The following ZNF727 variants were observed in gnomAD, a reference collection of about 807,000 sequenced individuals.
ZNF727 encodes the protein zinc finger protein 727, also known as putative zinc finger protein 727.
Under a neutral mutation model 11.5 loss-of-function variants are expected in ZNF727, and 11 were observed. The observed-to-expected ratio is 0.95, with a 90% CI of 0.60 to 1.58. The LOEUF (loss-of-function observed/expected upper bound fraction) is 1.58. ZNF727 is among the 40% of genes most tolerant of loss of function. The pLI is 0.00. For missense variants in ZNF727, 533 were observed against 581.7 expected (o/e 0.92, Z 0.86); for synonymous variants, 171 against 196.1 (o/e 0.87, Z 1.07).
At chr7:64,054,200 T>C (rs575986888) in intron 1 of ZNF727, among the ~76,000 whole-genome samples, 155 of 152,306 alleles carry the variant, frequency 1.0e-3, no homozygotes, top group African/African-American at 3.6e-3. Context: ...CACACATGTC[T>C]GAAAGCACAC....
chr7:64,070,401 T>TATAAAATTTATTTATAA, intron 3 of ZNF727, among the ~76,000 whole-genome samples: 1 of 151,904 alleles, frequency 6.6e-6, no homozygotes, highest in South Asian at 2.1e-4. Context: ...TGATTTTATT[T>TATAAAATTTATTTATAA]AGTATAAAGC....
At position 64,062,881 on chromosome 7, in the gene ZNF727, G is replaced by T. The variant is rs1816701; in HGVS notation, c.4-6010G>T. 3.2e-3 allele frequency among the ~76,000 whole-genome samples: 486 copies of T among 150,208 alleles called. 3 individuals are homozygous for T. The highest frequency in any genetic ancestry group is 0.011 in the African/African-American group (468 of 41,046). ...ACTAATTCTTTCTTCTGCTTGATCA[G>T]TTCTGCTGTTGAGAGACTCTGATGC... is the stretch of plus-strand genomic sequence containing the variant. On this transcript the variant is annotated intron_variant, in intron 1 of 3. Coordinates refer to ENST00000456806, the MANE Select transcript of ZNF727 (RefSeq NM_001159522.3).
At position 64,078,473 on chromosome 7, in the gene ZNF727, C is replaced by T; in HGVS notation, c.1424C>T (p.Thr475Ile). The change falls in exon 4 of 4, where the codon ACT becomes ATT. Residue 475 changes from threonine (T) to isoleucine (I), a missense_variant. By Grantham distance (89) the Thr-to-Ile change is moderately conservative. Around this residue, in one of 3 missense-constraint regions of ZNF727, gnomAD observed 54 missense variants for 48.6 expected, o/e 1.11. Coordinates refer to ENST00000456806, the MANE Select transcript of ZNF727 (RefSeq NM_001159522.3). ...CTTATTAAACACAAGAGAAGTCATA[C>T]TGGAGACAGACCTACAAGTGCAAAG... The part of the protein sequence containing the change: ...SSLIKHKRSH[T>I]GDRPTSAKNV... The T allele has an allele frequency of 6.4e-7, 1 of 1,567,480 alleles. No homozygotes were observed. The highest frequency in any genetic ancestry group is 1.9e-5 in the Admixed American group (1 of 52,642).
At chr7:64,062,135 A>G (rs1184332705) in intron 1 of ZNF727, among the ~76,000 whole-genome samples, 2 of 152,082 alleles carry the variant, frequency 1.3e-5, no homozygotes, top group Non-Finnish European at 2.9e-5. Context: ...TTATGGCCTT[A>G]AGGAGGTAGA....
chr7:64,069,982 C>T (rs1352061935), intron 3 of ZNF727, among the ~76,000 whole-genome samples: 1 of 151,826 alleles, frequency 6.6e-6, no homozygotes, highest in Non-Finnish European at 1.5e-5. Flanking sequence ...TATATTAAAC[C>T]ATTTTTTTAA....
chr7:64,073,298 A>G (rs1789990977), intron 3 of ZNF727, among the ~76,000 whole-genome samples: 1 of 82,180 alleles, frequency 1.2e-5, no homozygotes, highest in African/African-American at 4.0e-5. Flanking sequence ...ATGTTTTTCA[A>G]TTTTTTGTGT....
At chr7:64,069,121 C>T (rs1789918363) in intron 2 of ZNF727, 104 bp downstream of exon 2, 14 of 1,301,318 alleles carry the variant, frequency 1.1e-5, no homozygotes, top group Non-Finnish European at 1.4e-5. Flanking sequence ...CAGAATCCTG[C>T]TTCAAAAAGA....
rs375815259 is a variant in ZNF727, at chr7:64,077,326, G to A, written c.277G>A (p.Asp93Asn). Residue 93 changes from aspartate (D) to asparagine (N), a missense_variant, in exon 4 of 4, where the codon GAT (aspartate) becomes AAT (asparagine). Physicochemically the swap from Asp to Asn is conservative, Grantham distance 23. Around this residue, in one of 3 missense-constraint regions of ZNF727, gnomAD observed 463 missense variants for 494.5 expected, o/e 0.94. Transcript: ENST00000456806. ...GATATTGCTGGAGCACGACATAAAC[G>A]ATTCATTTCAAAAAGTGATCCTGAG... ...AEILLEHDIN[D>N]SFQKVILRKS... 55 of 1,549,752 alleles carry A rather than the reference G, an allele frequency of 3.5e-5. No individual in the cohort carries two copies. Among genetic ancestry groups the A allele is most frequent in the Non-Finnish European group, 3.9e-5 (45 of 1,146,530 alleles).
chr7:64,048,906 G>A (rs1240548479), intron 1 of ZNF727, among the ~76,000 whole-genome samples: 2 of 152,142 alleles, frequency 1.3e-5, no homozygotes, highest in Non-Finnish European at 2.9e-5. Context: ...AAAACAGATT[G>A]GTGGCCAAGC....
chr7:64,069,410 TC>T, intron 2 of ZNF727, 103 bp from the exon 3 acceptor site: 2 of 972,140 alleles, frequency 2.1e-6, no homozygotes, highest in Non-Finnish European at 3.1e-6. Context: ...GAATTAATTT[TC>T]TAGAGTCTTC....
chr7:64,068,359 A>G (rs1396452245), intron 1 of ZNF727, among the ~76,000 whole-genome samples: 2 of 152,082 alleles, frequency 1.3e-5, no homozygotes, highest in Non-Finnish European at 2.9e-5. Context: ...GGTCAGATAA[A>G]CTAAAAACCT....
At chr7:64,067,955 A>C (rs1329414595) in intron 1 of ZNF727, among the ~76,000 whole-genome samples, 1 of 152,140 alleles carries the variant, frequency 6.6e-6, no homozygotes, top group Non-Finnish European at 1.5e-5. Flanking sequence ...ACACCATTAG[A>C]GATTACAGAA....
chr7:64,053,121 G>A (rs1347696859), intron 1 of ZNF727, among the ~76,000 whole-genome samples: 1 of 152,090 alleles, frequency 6.6e-6, no homozygotes, highest in African/African-American at 2.4e-5. Flanking sequence ...TATGAAATGT[G>A]AAGATACGAG....
At chr7:64,075,993 A>C (rs1235827173) in intron 3 of ZNF727, among the ~76,000 whole-genome samples, 1 of 149,086 alleles carries the variant, frequency 6.7e-6, no homozygotes, top group East Asian at 2.0e-4. Flanking sequence ...CACTATGTTG[A>C]TTCAATATTT....
At chr7:64,064,345 C>T (rs10949869) in intron 1 of ZNF727, among the ~76,000 whole-genome samples, 94,306 of 151,924 alleles carry the variant, frequency 0.62, 29,996 homozygotes, top group Non-Finnish European at 0.68. Context: ...CCCTTCAAGG[C>T]AGTGTGTTCT....
At chr7:64,066,789 A>G in intron 1 of ZNF727, among the ~76,000 whole-genome samples, 1 of 152,196 alleles carries the variant, frequency 6.6e-6, no homozygotes, top group East Asian at 1.9e-4. Flanking sequence ...AACAAAAGCC[A>G]AAATTGACAA....
At chr7:64,063,638 T>C (rs1584147920) in intron 1 of ZNF727, among the ~76,000 whole-genome samples, 1 of 151,920 alleles carries the variant, frequency 6.6e-6, no homozygotes, top group East Asian at 1.9e-4. Context: ...CTACTGATGT[T>C]CACTCAAGAA....
At chr7:64,049,825 G>C (rs1384609095) in intron 1 of ZNF727, among the ~76,000 whole-genome samples, 1 of 151,384 alleles carries the variant, frequency 6.6e-6, no homozygotes, top group Non-Finnish European at 1.5e-5. Flanking sequence ...AACAATCTAA[G>C]ATTATAGTTT....
intron 1 of ZNF727, among the ~76,000 whole-genome samples, chr7:64,061,293 G>A (rs1789766232): frequency 6.6e-6 from 1 of 152,094 alleles, no homozygotes; most frequent in Non-Finnish European, 1.5e-5. Context: ...AGCTATTATT[G>A]TATTGGGGTT....
Sources: allele counts gnomAD v4.1 joint callset (sites outside exome capture counted in the v4.1 genomes callset), GRCh38; gene constraint gnomAD v4.1.1; regional missense constraint gnomAD v4.1.1; transcripts MANE v1.5; gene names NCBI Gene and HGNC (gene_info 2026-07-23, HGNC 2026-07-21).